The following KCNU1 variants were observed in gnomAD, a reference collection of about 807,000 sequenced individuals.
KCNU1 encodes potassium channel subfamily U member 1.
A neutral mutation model predicts 126.8 loss-of-function variants in KCNU1; 93 were observed. That is an observed-to-expected ratio of 0.73 (90% CI 0.62 to 0.87). KCNU1 has a LOEUF of 0.87. Ranked by LOEUF, KCNU1 falls within the 40% of genes least tolerant of loss-of-function variation. KCNU1 has a pLI of 0.00. For missense variants in KCNU1, 1,330 were observed against 1,367.1 expected (o/e 0.97, Z 0.43); for synonymous variants, 523 against 494.2 (o/e 1.06, Z -0.77).
intron 18 of KCNU1, 146 bp from the exon 19 acceptor site, chr8:36,864,258 A>G (rs1585478918): frequency 3.2e-6 from 2 of 619,382 alleles, no homozygotes; most frequent in East Asian, 5.4e-5. Context: ...GTTTGCTACA[A>G]TTCATCCTCT....
chr8:36,918,829 C>G lies in KCNU1; in HGVS notation c.2528C>G (p.Thr843Ser), dbSNP rs770194648. The G allele has an allele frequency of 3.8e-6, 6 of 1,599,588 alleles. No homozygotes were observed. The highest frequency in any genetic ancestry group is 5.1e-6 in the Non-Finnish European group (6 of 1,167,070). ...CCTCTTTTCTTCTTTGCAGAGGAGA[C>G]TCCAGGTTACACAAATGGACATAAT... ...SDPSPSVSEE[T>S]PGYTNGHNEK... The change falls in exon 23 of 27, where the codon ACT becomes AGT. Residue 843 changes from threonine (T) to serine (S), a missense_variant. Thr to Ser is a moderately conservative substitution (Grantham distance 58, BLOSUM62 1). Transcript: ENST00000399881.
intron 2 of KCNU1, 113 bp downstream of exon 2, chr8:36,787,538 T>A (rs1802752057): frequency 1.0e-6 from 1 of 969,576 alleles, no homozygotes; most frequent in South Asian, 2.0e-5. Context: ...TTTGGTCGTC[T>A]TATCTATAAT....
rs374136462 is a variant in KCNU1, at chr8:36,909,413, C to T, written c.2209C>T (p.Pro737Ser). Residue 737 changes from proline to serine, a missense_variant, in exon 21 of 27, where the codon CCC (proline) becomes TCC (serine). By Grantham distance (74) the Pro-to-Ser change is moderately conservative (BLOSUM62 -1). This residue lies in a region of KCNU1 where 1,054 missense variants were observed against 1,053.9 expected (regional missense o/e 1.00). Coordinates refer to ENST00000399881, the MANE Select transcript of KCNU1 (RefSeq NM_001031836.3). Reference protein sequence around the residue: ...APMGLRNFVMPLRASNYTRKE... With the variant: ...APMGLRNFVMSLRASNYTRKE... ...GATGGGGCTTCGGAACTTTGTAATG[C>T]CCTTGAGAGCCAGCAACTATACCAG... is the stretch of plus-strand genomic sequence containing the variant. The T allele has an allele frequency of 1.4e-5, 22 of 1,612,232 alleles. No homozygotes were observed. Among genetic ancestry groups the T allele is most frequent in the African/African-American group, 4.0e-5 (3 of 74,872 alleles).
At chr8:36,889,562 C>T (rs554145088) in intron 19 of KCNU1, among the ~76,000 whole-genome samples, 27 of 152,068 alleles carry the variant, frequency 1.8e-4, no homozygotes, top group African/African-American at 6.5e-4. Flanking sequence ...GATACATCTT[C>T]AGAAATTTTC....
intron 6 of KCNU1, among the ~76,000 whole-genome samples, chr8:36,808,137 C>T (rs913039512): frequency 9.2e-5 from 14 of 152,220 alleles, no homozygotes; most frequent in South Asian, 2.1e-4. Flanking sequence ...TCCTGTGTGA[C>T]GGGTGGTCCT....
intron 7 of KCNU1, among the ~76,000 whole-genome samples, chr8:36,813,672 A>T (rs868553294): frequency 7.5e-5 from 11 of 146,866 alleles, no homozygotes; most frequent in South Asian, 4.2e-4. Flanking sequence ...AGGTTTTTTT[A>T]AAAAAAAAAT....
chr8:36,863,681 A>G (rs1805804356), intron 18 of KCNU1, among the ~76,000 whole-genome samples: 1 of 152,150 alleles, frequency 6.6e-6, no homozygotes, highest in Non-Finnish European at 1.5e-5. Context: ...CAGGATAAGA[A>G]CTGCATGATT....
intron 2 of KCNU1, among the ~76,000 whole-genome samples, chr8:36,798,474 T>C (rs1418598084): frequency 6.6e-6 from 1 of 152,220 alleles, no homozygotes; most frequent in Non-Finnish European, 1.5e-5. Flanking sequence ...TCTATTAACA[T>C]AGCTAGATCT....
chr8:36,879,714 A>G (rs1303791473), intron 19 of KCNU1, among the ~76,000 whole-genome samples: 1 of 152,180 alleles, frequency 6.6e-6, no homozygotes, highest in African/African-American at 2.4e-5. Flanking sequence ...TACAAAGCAA[A>G]GCAAACCTGA....
At chr8:36,934,309 AG>A (rs781436013) in intron 26 of KCNU1, among the ~76,000 whole-genome samples, 46 of 152,102 alleles carry the variant, frequency 3.0e-4, no homozygotes, top group Non-Finnish European at 4.3e-4. Context: ...AGAGTTTGAA[AG>A]AAAGAGCATG....
At chr8:36,841,030 A>ATTT in intron 16 of KCNU1, 27 bp downstream of exon 16, 14 of 816,134 alleles carry the variant, frequency 1.7e-5, no homozygotes, top group Non-Finnish European at 2.7e-5. Context: ...TCATCTCTTC[A>ATTT]GTTGTTTTTT....
chr8:36,930,240 G>C (rs1808658783), intron 24 of KCNU1, among the ~76,000 whole-genome samples: 1 of 152,012 alleles, frequency 6.6e-6, no homozygotes, highest in Non-Finnish European at 1.5e-5. Context: ...CAATGAATGT[G>C]GTAGCAATCC....
intron 8 of KCNU1, among the ~76,000 whole-genome samples, chr8:36,814,955 C>T (rs1803854042): frequency 6.6e-6 from 1 of 152,130 alleles, no homozygotes; most frequent in African/African-American, 2.4e-5. Context: ...GTCATTGTCT[C>T]TTAACCCTCC....
intron 10 of KCNU1, 145 bp from the exon 11 acceptor site, chr8:36,833,409 T>A (rs968696729): frequency 6.2e-5 from 28 of 449,190 alleles, no homozygotes; most frequent in African/African-American, 3.3e-4. Flanking sequence ...TTACATTTTT[T>A]AAAAAAATAG....
At chr8:36,820,491 A>G (rs190839535) in intron 10 of KCNU1, among the ~76,000 whole-genome samples, 2 of 152,244 alleles carry the variant, frequency 1.3e-5, no homozygotes, top group Admixed American at 1.3e-4. Context: ...TAACACTGTC[A>G]CCAGCAATAA....
At chr8:36,882,814 C>T (rs1366758500) in intron 19 of KCNU1, among the ~76,000 whole-genome samples, 2 of 152,128 alleles carry the variant, frequency 1.3e-5, no homozygotes, top group East Asian at 3.9e-4. Flanking sequence ...AACTCCTGAC[C>T]TCAGGTGATC....
intron 14 of KCNU1, among the ~76,000 whole-genome samples, chr8:36,837,495 T>C (rs1804794860): frequency 1.3e-5 from 2 of 152,072 alleles, no homozygotes; most frequent in Non-Finnish European, 2.9e-5. Flanking sequence ...CTCAATAATA[T>C]GTTGTTAGTA....
At position 36,931,015 on chromosome 8, in the gene KCNU1, A is replaced by T. The variant is rs760235324; in HGVS notation, c.2801A>T (p.Gln934Leu). 5.0e-6 allele frequency: 8 copies of T among 1,611,324 alleles called. No individual in the cohort carries two copies. In the East Asian group the frequency reaches 1.8e-4, roughly 36 times the overall value. ...CTGGTGACAGGAGGAGTAAGTTCTCAGCTGGAACAACATTTAGATAAGGAT... is the reference window on the plus strand; with the variant it reads ...CTGGTGACAGGAGGAGTAAGTTCTCTGCTGGAACAACATTTAGATAAGGAT... ...QMLVTGGVSS[Q>L]LEQHLDKDKV... The change falls in exon 25 of 27, where the codon CAG (glutamine) becomes CTG (leucine). Residue 934 changes from glutamine (Q) to leucine (L), a missense_variant. This residue lies in a region of KCNU1 where 1,054 missense variants were observed against 1,053.9 expected (regional missense o/e 1.00). Coordinates refer to ENST00000399881, the MANE Select transcript of KCNU1 (RefSeq NM_001031836.3).
intron 2 of KCNU1, among the ~76,000 whole-genome samples, chr8:36,790,981 A>C (rs1360073488): frequency 6.7e-6 from 1 of 148,160 alleles, no homozygotes; most frequent in African/African-American, 2.6e-5. Context: ...AAGGAGGAAG[A>C]GGAAAATAGG....
Sources: gnomAD v4.1 joint callset for allele counts (sites outside exome capture counted in the v4.1 genomes callset) on GRCh38, gnomAD v4.1.1 for gene constraint, gnomAD v4.1.1 regional missense constraint, MANE v1.5 for transcripts, NCBI Gene and HGNC (gene_info 2026-07-23, HGNC 2026-07-21) for gene names.